The following SRRM1 variants were observed in gnomAD, a reference collection of about 807,000 sequenced individuals.
The protein encoded by SRRM1 is serine/arginine repetitive matrix protein 1.
In SRRM1, 19 loss-of-function variants were observed where a neutral mutation model predicts 110.2. The observed-to-expected ratio is 0.17, with a 90% CI of 0.12 to 0.25. SRRM1 has a LOEUF of 0.25. Ranked by LOEUF, SRRM1 falls within the 10% of genes least tolerant of loss-of-function variation. SRRM1 has a pLI of 1.00. For missense variants in SRRM1, 918 were observed against 1,145.8 expected, an observed-to-expected ratio of 0.80 and a Z score of 2.87; for synonymous variants, 443 against 414.9, an observed-to-expected ratio of 1.07 and a Z score of -0.82.
At chr1:24,643,642 C>A in intron 1 of SRRM1, 1 of 382,260 alleles carries the variant, frequency 2.6e-6, no homozygotes. Context: ...GCGGGGCCTG[C>A]AGGCCGAGCG....
chr1:24,650,904 T>G (rs889923626), intron 5 of SRRM1, among the ~76,000 whole-genome samples: 1 of 152,224 alleles, frequency 6.6e-6, no homozygotes, highest in African/African-American at 2.4e-5. Flanking sequence ...GAAAGAGGGC[T>G]TCTCCTCTCG....
chr1:24,646,629 T>C, intron 2 of SRRM1, 38 bp from the exon 3 acceptor site: 2 of 1,524,596 alleles, frequency 1.3e-6, no homozygotes, highest in Admixed American at 2.3e-5. Context: ...TTTTTTAGGA[T>C]TGTGAAGTTG....
At chr1:24,670,355 T>C (rs779502508) in intron 15 of SRRM1, 40 bp downstream of exon 15, 6 of 1,542,466 alleles carry the variant, frequency 3.9e-6, no homozygotes, top group East Asian at 4.7e-5. Flanking sequence ...TTTATAAATA[T>C]GTATATGGTC....
chr1:24,667,289 A>G (rs1012673116), intron 13 of SRRM1, among the ~76,000 whole-genome samples: 7 of 152,202 alleles, frequency 4.6e-5, no homozygotes, highest in African/African-American at 1.7e-4. Context: ...AAATCATTTA[A>G]TTGTATACTT....
chr1:24,655,200 C>G, intron 9 of SRRM1, 71 bp downstream of exon 9: 2 of 1,500,184 alleles, frequency 1.3e-6, no homozygotes, highest in East Asian at 2.3e-5. Flanking sequence ...TTATTGCCCC[C>G]TGCTCACTCT....
In SRRM1 at chr1:24,663,985, CTCTT is replaced by C. The variant is rs1668565847; in HGVS notation, c.1628+1183_1628+1186del. On this transcript the variant is annotated intron_variant, in intron 12 of 16. Transcript: ENST00000323848. Reference sequence around the variant, plus strand: ...TACTAGAAAGGTGGGTTGCATAGCTCTCTTTTTTTTTTTTTTTTTTTTTTTGTTG... The same window carrying C: ...TACTAGAAAGGTGGGTTGCATAGCTCTTTTTTTTTTTTTTTTTTTTTGTTG... 4.9e-5 allele frequency among the ~76,000 whole-genome samples: 7 copies of C among 141,754 alleles called. No homozygotes were observed. In the South Asian group the frequency reaches 1.3e-3, roughly 27 times the overall value. The allele number at this position is 141,754 out of a possible 152,430, so 93.0% of individuals were successfully genotyped here.
At chr1:24,664,982 T>A (rs1315388326) in intron 12 of SRRM1, among the ~76,000 whole-genome samples, 1 of 151,572 alleles carries the variant, frequency 6.6e-6, no homozygotes, top group East Asian at 1.9e-4. Context: ...CTCCAGGATG[T>A]TTTTGTTTTG....
chr1:24,643,482 A>AAC (rs1654964874), intron 1 of SRRM1, 135 bp downstream of exon 1: 6 of 288,548 alleles, frequency 2.1e-5, no homozygotes, highest in Admixed American at 1.0e-4. Context: ...GAGCCGGCGC[A>AAC]CCCCCCCCCC....
intron 8 of SRRM1, among the ~76,000 whole-genome samples, chr1:24,653,473 CATT>C (rs1365111828): frequency 5.9e-5 from 9 of 152,160 alleles, no homozygotes; most frequent in African/African-American, 2.2e-4. Flanking sequence ...AGAAAATTCT[CATT>C]ATAGAAGTAA....
chr1:24,650,905 TCTC>T (rs1280058894), intron 5 of SRRM1, among the ~76,000 whole-genome samples: 4 of 152,202 alleles, frequency 2.6e-5, no homozygotes, highest in African/African-American at 7.2e-5. Context: ...AAAGAGGGCT[TCTC>T]CTCTCGCAAA....
intron 13 of SRRM1, among the ~76,000 whole-genome samples, chr1:24,667,442 C>G (rs1670558581): frequency 6.6e-6 from 1 of 152,130 alleles, no homozygotes; most frequent in South Asian, 2.1e-4. Context: ...ATATCTCTTA[C>G]CTAAATAATC....
At chr1:24,654,362 GAACTT>G in intron 8 of SRRM1, 2 of 1,289,348 alleles carry the variant, frequency 1.6e-6, no homozygotes, top group South Asian at 1.2e-5. Flanking sequence ...AATTGCAACA[GAACTT>G]AACACAAATT....
At chr1:24,666,488 G>A (rs1395553424) in intron 12 of SRRM1, 9 of 239,306 alleles carry the variant, frequency 3.8e-5, no homozygotes, top group Admixed American at 2.1e-4. Context: ...TAGGCCAGGC[G>A]TGGTAACTCA....
chr1:24,651,686 TTAAAA>T, intron 6 of SRRM1, 74 bp downstream of exon 6: 11 of 1,169,220 alleles, frequency 9.4e-6, no homozygotes, highest in South Asian at 4.4e-5. Context: ...GACATCTGAG[TTAAAA>T]TAAAACTACT....
At chr1:24,653,128 G>T in intron 8 of SRRM1, 96 bp downstream of exon 8, 2 of 1,171,838 alleles carry the variant, frequency 1.7e-6, no homozygotes, top group Admixed American at 5.3e-5. Context: ...CTGGAAGAAA[G>T]AACTGATAGG....
At chr1:24,643,446 TTCG>T in intron 1 of SRRM1, 99 bp downstream of exon 1, 2 of 1,037,132 alleles carry the variant, frequency 1.9e-6, no homozygotes, top group Non-Finnish European at 2.6e-6. Flanking sequence ...CGAGGGGAGC[TTCG>T]GAGATCTTAA....
rs1429361430 is a variant in SRRM1 at position 24,654,980 on chromosome 1, C to CATA, written c.1166_1167insATA (p.Ser389_Pro390insTyr). On this transcript the variant is annotated inframe_insertion, in exon 9 of 17. Transcript: ENST00000323848. ...CCCCCTCGGAAAACTCGTAGGTTAT[C>CATA]TCCTTCAGCAAGTCCTCCAAGGCGA... 6.2e-7 allele frequency: 1 copy of CATA among 1,614,106 alleles called. No homozygotes were observed. The highest frequency in any genetic ancestry group is 1.3e-5 in the African/African-American group (1 of 74,928).
rs61729117 is a variant in SRRM1 at position 24,672,259 on chromosome 1, G to A, written c.2688G>A (p.Arg896=). 7.6e-4 allele frequency: 1,230 copies of A among 1,607,856 alleles called. 1 individual carries two copies. The African/African-American group carries it at 0.011, about 14-fold the overall frequency. The change falls in exon 17 of 17, where the codon AGG becomes AGA. Residue 896 remains arginine, a synonymous_variant. Coordinates refer to ENST00000323848, the MANE Select transcript of SRRM1 (RefSeq NM_005839.4). ...GTGAAAAGGCCCTGAGATCAATGAG[G>A]AAGGCCCAAGTGTCCCCACAGTCTT... ...HLREKALRSM[R]KAQVSPQS is the part of the protein sequence containing the mutation.
chr1:24,661,207 G>T (rs781231669), intron 10 of SRRM1, 103 bp from the exon 11 acceptor site: 2 of 733,338 alleles, frequency 2.7e-6, no homozygotes, highest in Admixed American at 2.8e-5. Flanking sequence ...TTGTATTTTT[G>T]ATCCAACCAA....
Sources: allele counts gnomAD v4.1 joint callset (sites outside exome capture counted in the v4.1 genomes callset), GRCh38; gene constraint gnomAD v4.1.1; transcripts MANE v1.5; gene names NCBI Gene and HGNC (gene_info 2026-07-23, HGNC 2026-07-21).